Variants in EXOC3L2 observed in about 807,000 individuals in gnomAD.
The protein encoded by EXOC3L2 is exocyst complex component 3-like protein 2.
In EXOC3L2, 17 loss-of-function variants were observed where a neutral mutation model predicts 44.4. The ratio of observed to expected loss-of-function variants is 0.38; its 90% CI spans 0.26 to 0.57. The LOEUF (loss-of-function observed/expected upper bound fraction) is 0.57, where lower values mean the gene tolerates loss of function less well. Among genes scored for constraint, EXOC3L2 ranks in the 20% least tolerant of loss-of-function variants. The pLI, the probability that EXOC3L2 is intolerant of heterozygous loss-of-function variation, is 0.65. For synonymous variants in EXOC3L2, 256 were observed against 253.7 expected (o/e 1.01, Z -0.09); for missense variants, 541 against 588.4 (o/e 0.92, Z 0.83).
intron 8 of EXOC3L2, among the ~76,000 whole-genome samples, chr19:45,221,375 C>T (rs12978800): frequency 0.11 from 17,393 of 151,572 alleles, 1,111 homozygotes; most frequent in African/African-American, 0.17. Flanking sequence ...TGTTTTGAGA[C>T]GGAATCTCGC....
intron 3 of EXOC3L2, among the ~76,000 whole-genome samples, chr19:45,233,585 G>T (rs184458101): frequency 6.6e-6 from 1 of 152,188 alleles, no homozygotes; most frequent in Admixed American, 6.5e-5. Flanking sequence ...TTCTTGGACT[G>T]GTGGGCCCAC....
rs1173096905 is a variant in EXOC3L2 at position 45,239,853 on chromosome 19, C to T, written c.-16-792G>A. ...TCTCTATCTTAAGTTGATCCTCCTA[C>T]TCCGTGGAGAAACAGGCTGAGAGGG... is the stretch of plus-strand genomic sequence containing the variant. On this transcript the variant is annotated intron_variant, in intron 1 of 11. Transcript: ENST00000413988. Among the ~76,000 whole-genome samples, 3 of 151,948 alleles carry T rather than the reference C, an allele frequency of 2.0e-5. No homozygotes were observed. The East Asian group carries it at 5.8e-4, about 29-fold the overall frequency.
chr19:45,223,978 A>T (rs976087337), intron 8 of EXOC3L2, among the ~76,000 whole-genome samples: 1 of 152,106 alleles, frequency 6.6e-6, no homozygotes, highest in Non-Finnish European at 1.5e-5. Flanking sequence ...TGGGCGACAC[A>T]GGGAGACTGT....
At chr19:45,242,235 A>C (rs1405887261) in intron 1 of EXOC3L2, among the ~76,000 whole-genome samples, 2 of 152,088 alleles carry the variant, frequency 1.3e-5, no homozygotes, top group African/African-American at 4.8e-5. Context: ...CAGCTCACAC[A>C]ATCATTTGCT....
Position 45,227,979 on chromosome 19 carries a change from C to G in EXOC3L2, c.1467G>C (p.Leu489=), listed in dbSNP as rs1309057594. The G allele has an allele frequency of 1.2e-6, 2 of 1,613,558 alleles. No homozygotes were observed. Residue 489 remains leucine, a synonymous_variant, in exon 6 of 12, where the codon CTG becomes CTC. Coordinates refer to ENST00000413988, the MANE Select transcript of EXOC3L2 (RefSeq NM_001382422.1). The part of the protein sequence containing the change: ...HCCLGGLAEF[L]QSFQQRVERF... ...GTGCTCCCAGGTTCCCCTACCTCTG[C>G]AGGAACTCTGCCAGCCCGCCTAGGC... is the stretch of plus-strand genomic sequence containing the variant.
chr19:45,218,834 A>G (rs1419144732), intron 8 of EXOC3L2, among the ~76,000 whole-genome samples: 1 of 152,164 alleles, frequency 6.6e-6, no homozygotes, highest in African/African-American at 2.4e-5. Flanking sequence ...ACAGTGGTTC[A>G]CACCTGTAAT....
In EXOC3L2 at chr19:45,228,193, G is replaced by A; in HGVS notation, c.1343C>T (p.Pro448Leu). Residue 448 changes from proline to leucine, a missense_variant, in exon 5 of 12, where the codon CCC (proline) becomes CTC (leucine). Physicochemically the swap from Pro to Leu is moderately conservative, Grantham distance 98. Transcript: ENST00000413988. ...EEHWGSLEDQ[P>L]SSLAQDVCEL... ...ACACACATCCTGGGCCAGGCTGCTGGGCTGGTCCTCCAGGCTCCCCCAGTG... is the reference window on the plus strand; with the variant it reads ...ACACACATCCTGGGCCAGGCTGCTGAGCTGGTCCTCCAGGCTCCCCCAGTG... 2 of 1,614,120 alleles carry A rather than the reference G, an allele frequency of 1.2e-6. No homozygotes were observed. Among genetic ancestry groups the A allele is most frequent in the Non-Finnish European group, 1.7e-6 (2 of 1,180,028 alleles).
chr19:45,227,832 C>G (rs1969982400), intron 6 of EXOC3L2, 60 bp from the exon 7 acceptor site: 1 of 1,556,996 alleles, frequency 6.4e-7, no homozygotes, highest in African/African-American at 1.3e-5. Context: ...CGTGGGCACC[C>G]AGCCTGCCAA....
At chr19:45,219,393 C>CAAAAAAAAAAAAAAAAAAAAAAAA (rs950797638) in intron 8 of EXOC3L2, among the ~76,000 whole-genome samples, 3 of 51,542 alleles carry the variant, frequency 5.8e-5, no homozygotes, top group East Asian at 5.8e-4. Context: ...GGCCCCGTCT[C>CAAAAAAAAAAAAAAAAAAAAAAAA]AAAAAAAAAA....
chr19:45,224,642 CTT>C (rs199957961), intron 8 of EXOC3L2, 134 bp downstream of exon 8: 29,535 of 1,334,310 alleles, frequency 0.022, 412 homozygotes, highest in Non-Finnish European at 0.025. Flanking sequence ...CAGGCATGGC[CTT>C]AACTGCCCCT....
chr19:45,216,316 C>T, intron 10 of EXOC3L2, 122 bp from the exon 11 acceptor site: 1 of 1,370,754 alleles, frequency 7.3e-7, no homozygotes, highest in East Asian at 2.6e-5. Context: ...TGGCTCAAGC[C>T]TGTAATCCCA....
chr19:45,239,258 C>T (rs2122992494), intron 1 of EXOC3L2, among the ~76,000 whole-genome samples, 197 bp from the exon 2 acceptor site: 1 of 147,358 alleles, frequency 6.8e-6, no homozygotes, highest in East Asian at 2.0e-4. Context: ...CGCTCTGTCG[C>T]CCAGGCTGGA....
rs144585769 is a variant in EXOC3L2 at position 45,213,497 on chromosome 19, C to T, written c.2121-140G>A. On this transcript the variant is annotated intron_variant, in intron 11 of 11. Transcript: ENST00000413988. ...GGGGCCTCTGTGTCCCCTCCAGAGC[C>T]TTCCCTCCAATCAGCTCCCTTGCCC... The T allele has an allele frequency of 2.7e-4, 258 of 955,888 alleles. 4 individuals carry two copies. The African/African-American group carries it at 3.9e-3, about 15-fold the overall frequency. The allele number at this position is 955,888 out of a possible 1,614,324, so 59.2% of individuals were successfully genotyped here. A position where few individuals can be genotyped will look rare whatever the true frequency, so the allele number is the denominator to read the frequency against.
intron 2 of EXOC3L2, among the ~76,000 whole-genome samples, chr19:45,237,892 C>T (rs1970097733): frequency 6.6e-6 from 1 of 152,080 alleles, no homozygotes; most frequent in Admixed American, 6.6e-5. Flanking sequence ...GCCTGTAATC[C>T]CAACATTTTG....
At chr19:45,215,870 T>A (rs896506436) in intron 11 of EXOC3L2, among the ~76,000 whole-genome samples, 2 of 152,126 alleles carry the variant, frequency 1.3e-5, no homozygotes, top group Non-Finnish European at 2.9e-5. Flanking sequence ...TGAGCCCTGG[T>A]GGCGGTGGCG....
chr19:45,222,201 CTTTT>C (rs60929770), intron 8 of EXOC3L2, among the ~76,000 whole-genome samples: 1 of 137,210 alleles, frequency 7.3e-6, no homozygotes, highest in Non-Finnish European at 1.6e-5. Context: ...TTTTTCTCTC[CTTTT>C]TTTTTTTTTT....
intron 7 of EXOC3L2, among the ~76,000 whole-genome samples, chr19:45,227,382 A>C (rs898922471): frequency 5.3e-5 from 8 of 152,140 alleles, no homozygotes; most frequent in Admixed American, 1.3e-4. Flanking sequence ...CGGCCTCCCA[A>C]AGTGCTGGGA....
At chr19:45,217,447 TG>T in intron 10 of EXOC3L2, 80 bp downstream of exon 10, 1 of 1,423,364 alleles carries the variant, frequency 7.0e-7, no homozygotes, top group Non-Finnish European at 9.2e-7. Context: ...CCTCTCCCCC[TG>T]GCTTTTGGGA....
At position 45,218,256 on chromosome 19, in the gene EXOC3L2, C is replaced by T. The variant is rs775441775; in HGVS notation, c.1783G>A (p.Val595Met). 3 of 1,607,824 alleles carry T rather than the reference C, an allele frequency of 1.9e-6. No individual in the cohort carries two copies. Among genetic ancestry groups the T allele is most frequent in the Non-Finnish European group, 2.5e-6 (3 of 1,178,362 alleles). The change falls in exon 9 of 12, where the codon GTG becomes ATG. Residue 595 changes from valine to methionine, a missense_variant. Physicochemically the swap from Val to Met is conservative, Grantham distance 21. Transcript: ENST00000413988. ...AGGGCCTGGGCACCCAGCGTGCCCA[C>T]GATGCCATCCAGGGCCTCCGGGCTG... ...LSSPEALDGI[V>M]GTLGAQALAL...
Sources: allele counts gnomAD v4.1 joint callset (sites outside exome capture counted in the v4.1 genomes callset), GRCh38; gene constraint gnomAD v4.1.1; transcripts MANE v1.5; gene names NCBI Gene and HGNC (gene_info 2026-07-23, HGNC 2026-07-21).